ULK4: variants seen among roughly 807,000 people sequenced by gnomAD.
ULK4 encodes unc-51 like kinase 4, also known as inactive serine/threonine-protein kinase ULK4.
A neutral mutation model predicts 160.6 loss-of-function variants in ULK4; 133 were observed. The observed-to-expected ratio is 0.83, with a 90% CI of 0.72 to 0.96. The LOEUF (loss-of-function observed/expected upper bound fraction) is 0.96. Among genes scored for constraint, ULK4 ranks in the 40% least tolerant of loss-of-function variants. The pLI is 0.00. For synonymous variants in ULK4, 534 were observed against 539.8 expected, an observed-to-expected ratio of 0.99 and a Z score of 0.15; for missense variants, 1,580 against 1,499.5, an observed-to-expected ratio of 1.05 and a Z score of -0.89.
Position 41,283,426 on chromosome 3 carries a change from A to G in ULK4, c.3679-33852T>C, listed in dbSNP as rs1377800520. ...TGTCCACCAATGATAGACTGGATTA[A>G]GAAAATGTGGCACATATACACCATG... On this transcript the variant is annotated intron_variant, in intron 35 of 36. Transcript: ENST00000301831. 4.6e-5 allele frequency among the ~76,000 whole-genome samples: 7 copies of G among 152,360 alleles called. No homozygotes were observed. The East Asian group carries it at 1.4e-3, about 29-fold the overall frequency.
At chr3:41,358,471 G>A (rs1203406756) in intron 35 of ULK4, among the ~76,000 whole-genome samples, 1 of 152,156 alleles carries the variant, frequency 6.6e-6, no homozygotes, top group Non-Finnish European at 1.5e-5. Flanking sequence ...AGAGAAAGGG[G>A]CGCCTGTTCC....
chr3:41,594,045 AAG>A (rs1366559252), intron 31 of ULK4, among the ~76,000 whole-genome samples: 18 of 151,860 alleles, frequency 1.2e-4, no homozygotes, highest in Admixed American at 5.2e-4. Context: ...ACTGTGTCGA[AAG>A]AGAGAAAAGA....
At chr3:41,689,068 T>C (rs568689427) in intron 27 of ULK4, among the ~76,000 whole-genome samples, 9 of 152,328 alleles carry the variant, frequency 5.9e-5, no homozygotes, top group Admixed American at 5.2e-4. Context: ...ACATAGGATG[T>C]CCTGCTTCTA....
At chr3:41,856,499 A>T (rs994953812) in intron 17 of ULK4, among the ~76,000 whole-genome samples, 4 of 101,634 alleles carry the variant, frequency 3.9e-5, no homozygotes, top group Non-Finnish European at 6.8e-5. Flanking sequence ...ACACATTAAT[A>T]AATAAATAAA....
chr3:41,428,330 T>C (rs1166556551), intron 34 of ULK4, among the ~76,000 whole-genome samples: 2 of 152,078 alleles, frequency 1.3e-5, no homozygotes, highest in African/African-American at 4.8e-5. Flanking sequence ...ATCGTGAAAA[T>C]GGCTATACTG....
intron 19 of ULK4, among the ~76,000 whole-genome samples, chr3:41,808,524 G>A (rs73077359): frequency 0.12 from 18,849 of 152,156 alleles, 1,349 homozygotes; most frequent in Middle Eastern, 0.27. Flanking sequence ...GGTATTTTCT[G>A]CTTAACTCAC....
intron 21 of ULK4, among the ~76,000 whole-genome samples, chr3:41,777,746 T>A (rs1240291858): frequency 5.3e-5 from 7 of 131,154 alleles, no homozygotes; most frequent in African/African-American, 2.1e-4. Flanking sequence ...AGTGAGATTC[T>A]TAATCCTGAG....
At chr3:41,764,826 G>A (rs76838242) in intron 21 of ULK4, among the ~76,000 whole-genome samples, 6,715 of 152,266 alleles carry the variant, frequency 0.044, 466 homozygotes, top group African/African-American at 0.15. Flanking sequence ...CTGAGGTAAG[G>A]ACTGAAGGCT....
chr3:41,342,312 C>T (rs2080703199), intron 35 of ULK4, among the ~76,000 whole-genome samples: 1 of 152,216 alleles, frequency 6.6e-6, no homozygotes, highest in Admixed American at 6.5e-5. Flanking sequence ...GGAAGGCTAA[C>T]AGACTTGCAC....
At chr3:41,872,494 T>C (rs111678097) in intron 17 of ULK4, among the ~76,000 whole-genome samples, 9,177 of 152,258 alleles carry the variant, frequency 0.06, 878 homozygotes, top group African/African-American at 0.21. Flanking sequence ...AGTCACTTTC[T>C]GCCTAAACTC....
chr3:41,727,279 T>C (rs927421445), intron 22 of ULK4, among the ~76,000 whole-genome samples: 1 of 152,246 alleles, frequency 6.6e-6, no homozygotes, highest in Non-Finnish European at 1.5e-5. Context: ...ATCAGTTTAT[T>C]CATTCAATAA....
rs1236038651 is a variant in ULK4, at chr3:41,735,955, C to T, written c.2322-18094G>A. 2.7e-5 allele frequency among the ~76,000 whole-genome samples: 4 copies of T among 148,762 alleles called. 1 individual carries two copies. Among genetic ancestry groups the T allele is most frequent in the East Asian group, 2.0e-4 (1 of 5,014 alleles). ...GAATATGCGGTGTTTGGTTTTTTGT[C>T]CTTGCGATAGTTTGCTGAGAATGAT... On this transcript the variant is annotated intron_variant, in intron 22 of 36. Transcript: ENST00000301831.
At chr3:41,682,076 T>C (rs1177034660) in intron 27 of ULK4, among the ~76,000 whole-genome samples, 3 of 152,218 alleles carry the variant, frequency 2.0e-5, no homozygotes, top group Non-Finnish European at 4.4e-5. Flanking sequence ...CTTTAGAATA[T>C]AATGCAAAAT....
chr3:41,942,355 TAAA>T (rs941499123), intron 2 of ULK4, among the ~76,000 whole-genome samples: 1 of 150,076 alleles, frequency 6.7e-6, no homozygotes, highest in Non-Finnish European at 1.5e-5. Flanking sequence ...CCTATCTCTA[TAAA>T]AAATACAAAA....
chr3:41,507,803 G>A (rs9826738), intron 32 of ULK4, among the ~76,000 whole-genome samples: 1 of 152,148 alleles, frequency 6.6e-6, no homozygotes, highest in Non-Finnish European at 1.5e-5. Flanking sequence ...TTCCTATGAA[G>A]AAATATTCAA....
intron 35 of ULK4, among the ~76,000 whole-genome samples, chr3:41,388,006 C>T (rs2081862273): frequency 6.6e-6 from 1 of 152,120 alleles, no homozygotes; most frequent in Non-Finnish European, 1.5e-5. Flanking sequence ...TAAAAGTGTT[C>T]TTATTTTTCC....
At chr3:41,937,323 A>G in intron 3 of ULK4, 1 of 695,120 alleles carries the variant, frequency 1.4e-6, no homozygotes, top group Non-Finnish European at 2.6e-6. Context: ...CATGGAAGTA[A>G]TCAACCATAA....
At chr3:41,469,602 CAAAAAAAAA>C (rs71616008) in intron 32 of ULK4, among the ~76,000 whole-genome samples, 9 of 11,316 alleles carry the variant, frequency 8.0e-4, no homozygotes, top group East Asian at 1.6e-3. Flanking sequence ...CTACACCTGC[CAAAAAAAAA>C]AAAAAAAAAA....
At chr3:41,488,808 C>T (rs978677126) in intron 32 of ULK4, among the ~76,000 whole-genome samples, 2 of 152,166 alleles carry the variant, frequency 1.3e-5, no homozygotes, top group Non-Finnish European at 2.9e-5. Flanking sequence ...CACTTGGCCA[C>T]TTGTGGGACA....
Sources: gnomAD v4.1 joint callset for allele counts (sites outside exome capture counted in the v4.1 genomes callset) on GRCh38, gnomAD v4.1.1 for gene constraint, MANE v1.5 for transcripts, NCBI Gene and HGNC (gene_info 2026-07-23, HGNC 2026-07-21) for gene names.